The following SRGAP3 variants were observed in gnomAD, a reference collection of about 807,000 sequenced individuals.
SRGAP3 encodes the protein SLIT-ROBO Rho GTPase activating protein 3.
Under a neutral mutation model 121.1 loss-of-function variants are expected in SRGAP3, and 39 were observed. That is an observed-to-expected ratio of 0.32 (90% CI 0.25 to 0.42). The LOEUF is 0.42. SRGAP3 is among the 10% of genes least tolerant of loss of function. SRGAP3 has a pLI of 1.00. For missense variants in SRGAP3, 1,213 were observed against 1,470.6 expected (o/e 0.82, Z 2.86); for synonymous variants, 601 against 570.0 (o/e 1.05, Z -0.77).
intron 1 of SRGAP3, chr3:9,350,048 T>C (rs564698466): frequency 6.6e-6 from 1 of 152,138 alleles, no homozygotes; most frequent in Non-Finnish European, 1.5e-5. Context: ...TTTCCTGATC[T>C]GTACAATAAA....
At chr3:9,049,936 C>A (rs1387463811) in intron 9 of SRGAP3, among the ~76,000 whole-genome samples, 1 of 149,846 alleles carries the variant, frequency 6.7e-6, no homozygotes. Flanking sequence ...GGACCTCAGC[C>A]TCCCAAGTAG....
chr3:9,121,514 A>G (rs1015111648), intron 2 of SRGAP3, among the ~76,000 whole-genome samples: 1 of 152,166 alleles, frequency 6.6e-6, no homozygotes, highest in African/African-American at 2.4e-5. Flanking sequence ...CCATCACATT[A>G]GCATCGTGCA....
intron 1 of SRGAP3, among the ~76,000 whole-genome samples, chr3:9,199,405 AT>A (rs1055561590): frequency 6.6e-6 from 1 of 151,626 alleles, no homozygotes; most frequent in African/African-American, 2.4e-5. Context: ...GCTGACTGAG[AT>A]TTTTTTTTAA....
chr3:9,251,155 G>A (rs1231884883), upstream of SRGAP3, among the ~76,000 whole-genome samples: 2 of 151,610 alleles, frequency 1.3e-5, no homozygotes, highest in Non-Finnish European at 2.9e-5. Context: ...GTGAGGCGGG[G>A]CAGGATGTTC....
At chr3:9,123,613 G>A (rs910084481) in intron 2 of SRGAP3, among the ~76,000 whole-genome samples, 1 of 151,840 alleles carries the variant, frequency 6.6e-6, no homozygotes, top group Non-Finnish European at 1.5e-5. Flanking sequence ...GCTGAGGCAG[G>A]AGAATCTCTT....
chr3:9,216,460 A>C (rs1952631675), intron 1 of SRGAP3, among the ~76,000 whole-genome samples: 1 of 152,124 alleles, frequency 6.6e-6, no homozygotes, highest in African/African-American at 2.4e-5. Flanking sequence ...TCCTCTCCGT[A>C]TCGTTTCTCT....
intron 1 of SRGAP3, among the ~76,000 whole-genome samples, chr3:9,199,276 C>T (rs1952001616): frequency 6.6e-6 from 1 of 152,256 alleles, no homozygotes; most frequent in Admixed American, 6.5e-5. Context: ...GCTGAAAGTT[C>T]TTCTCACTTC....
At chr3:9,173,938 A>C (rs1436658990) in intron 1 of SRGAP3, among the ~76,000 whole-genome samples, 1 of 152,156 alleles carries the variant, frequency 6.6e-6, no homozygotes, top group African/African-American at 2.4e-5. Flanking sequence ...ATGCTCAAAA[A>C]GCACTTATTG....
intron 1 of SRGAP3, among the ~76,000 whole-genome samples, chr3:9,204,961 T>C (rs79848012): frequency 0.011 from 1,686 of 152,346 alleles, 25 homozygotes; most frequent in African/African-American, 0.033. Flanking sequence ...CTTGGCTTGT[T>C]TAAGCTTCCA....
At chr3:9,173,922 G>A (rs903122824) in intron 1 of SRGAP3, among the ~76,000 whole-genome samples, 1 of 152,108 alleles carries the variant, frequency 6.6e-6, no homozygotes, top group Non-Finnish European at 1.5e-5. Context: ...TGCCAGGCAC[G>A]TGATCATGCT....
chr3:9,016,120 T>G (rs1035608242), intron 14 of SRGAP3: 1 of 266,066 alleles, frequency 3.8e-6, no homozygotes, highest in Non-Finnish European at 7.3e-6. Context: ...AGGATATTCT[T>G]GTATGTAACC....
rs896424566 is a variant in SRGAP3 at position 9,214,143 on chromosome 3, T to C, written c.67+34742A>G. ...ACACACACACACACACACACACACA[T>C]GCACACACACACACAAGAATATAAG... On this transcript the variant is annotated intron_variant, in intron 1 of 21. Transcript: ENST00000383836. Among the ~76,000 whole-genome samples, 33 of 148,986 alleles carry C rather than the reference T, an allele frequency of 2.2e-4. No homozygotes were observed. The East Asian group carries it at 3.7e-3, about 17-fold the overall frequency.
chr3:9,356,500 G>A (rs568647570), intron 1 of SRGAP3, among the ~76,000 whole-genome samples: 12 of 150,704 alleles, frequency 8.0e-5, no homozygotes, highest in East Asian at 5.9e-4. Context: ...AGCCTCCTGC[G>A]TAGCTGGGAC....
rs1943472156 is a variant in SRGAP3 at position 9,013,465 on chromosome 3, T to A, written c.1990A>T (p.Met664Leu). 6.2e-7 allele frequency: 1 copy of A among 1,613,916 alleles called. No individual in the cohort carries two copies. Among genetic ancestry groups the A allele is most frequent in the Non-Finnish European group, 8.5e-7 (1 of 1,180,020 alleles). Residue 664 changes from methionine (M) to leucine (L), a missense_variant, in exon 17 of 22, where the codon ATG (methionine) becomes TTG (leucine). By Grantham distance (15) the Met-to-Leu change is conservative (BLOSUM62 2). Coordinates refer to ENST00000383836, the MANE Select transcript of SRGAP3 (RefSeq NM_014850.4). The part of the protein sequence containing the change: ...NLAICFGPTL[M>L]HIPDGQDPVS... ...GGGTCCTGCCCATCAGGGATGTGCA[T>A]GAGGGTAGGCCCGAAGCAGATGGCC...
intron 19 of SRGAP3, 72 bp downstream of exon 19, chr3:8,994,271 C>T: frequency 6.3e-7 from 1 of 1,595,368 alleles, no homozygotes. Flanking sequence ...AGCTAGCACT[C>T]CCCTACGGTG....
At chr3:9,097,007 T>A in intron 3 of SRGAP3, among the ~76,000 whole-genome samples, 1 of 134,596 alleles carries the variant, frequency 7.4e-6, no homozygotes, top group South Asian at 2.5e-4. Context: ...ATATATATAT[T>A]AGAGACAGGG....
At position 8,981,894 on chromosome 3, in the gene SRGAP3, C is replaced by T. The variant is rs146261908; in HGVS notation, c.*3625G>A. 361 of 228,004 alleles carry T rather than the reference C, an allele frequency of 1.6e-3. 1 individual carries two copies. The highest frequency in any genetic ancestry group is 2.5e-3 in the Non-Finnish European group (282 of 114,700). The allele number at this position is 228,004 out of a possible 1,614,324, so 14.1% of individuals were successfully genotyped here. A position where few individuals can be genotyped will look rare whatever the true frequency, so the allele number is the denominator to read the frequency against. On this transcript the variant is annotated 3_prime_UTR_variant, in exon 22 of 22. Transcript: ENST00000383836. ...GACTCCAAAGTCTAATTCCCAAGCTCGCAATTCCCTCCGATTGTGCACTCT... is the reference window on the plus strand; with the variant it reads ...GACTCCAAAGTCTAATTCCCAAGCTTGCAATTCCCTCCGATTGTGCACTCT...
At chr3:9,141,238 C>T (rs1949834635) in intron 1 of SRGAP3, among the ~76,000 whole-genome samples, 1 of 152,148 alleles carries the variant, frequency 6.6e-6, no homozygotes, top group Non-Finnish European at 1.5e-5. Context: ...GGGACAGAGC[C>T]ACTAATCTTC....
At chr3:9,127,042 T>C (rs796977448) in intron 1 of SRGAP3, among the ~76,000 whole-genome samples, 8 of 152,280 alleles carry the variant, frequency 5.3e-5, no homozygotes, top group African/African-American at 1.7e-4. Flanking sequence ...CTACTCAAAG[T>C]GTGGTCCATG....
Sources: gnomAD v4.1 joint callset for allele counts (sites outside exome capture counted in the v4.1 genomes callset) on GRCh38, gnomAD v4.1.1 for gene constraint, MANE v1.5 for transcripts, NCBI Gene and HGNC (gene_info 2026-07-23, HGNC 2026-07-21) for gene names.